RBFOX1: variants seen among roughly 807,000 people sequenced by gnomAD.
The protein encoded by RBFOX1 is RNA binding fox-1 homolog 1, also known as RNA binding protein fox-1 homolog 1.
RBFOX1 carries 8 observed loss-of-function variants against 57.7 expected under a neutral mutation model. The observed-to-expected ratio is 0.14, with a 90% CI of 0.08 to 0.25. The LOEUF is 0.25. Among genes scored for constraint, RBFOX1 ranks in the 10% least tolerant of loss-of-function variants. RBFOX1 has a pLI of 1.00. For missense variants in RBFOX1, 611 were observed against 548.5 expected (o/e 1.11, Z -1.14); for synonymous variants, 326 against 222.4 (o/e 1.47, Z -4.15).
intron 4 of RBFOX1, among the ~76,000 whole-genome samples, chr16:7,289,959 A>G (rs1380915447): frequency 1.3e-5 from 2 of 152,208 alleles, no homozygotes; most frequent in Non-Finnish European, 1.5e-5. Context: ...GGACAAGGTT[A>G]GGATAAACTC....
intron 3 of RBFOX1, among the ~76,000 whole-genome samples, chr16:6,907,976 A>G (rs1009619965): frequency 6.6e-6 from 1 of 151,590 alleles, no homozygotes; most frequent in African/African-American, 2.4e-5. Flanking sequence ...GTGAGCATGG[A>G]TGTCTCTGTG....
intron 4 of RBFOX1, among the ~76,000 whole-genome samples, chr16:7,257,798 C>T (rs1011451428): frequency 3.9e-5 from 6 of 152,200 alleles, no homozygotes; most frequent in African/African-American, 1.4e-4. Context: ...GCTGCAAGAG[C>T]TATCATCGTT....
intron 2 of RBFOX1, among the ~76,000 whole-genome samples, chr16:5,480,894 C>A (rs952876779): frequency 6.6e-6 from 1 of 152,146 alleles, no homozygotes; most frequent in African/African-American, 2.4e-5. Context: ...TTCACTGAAA[C>A]GTTATTGCCA....
chr16:5,771,694 C>G (rs796901214), intron 3 of RBFOX1, among the ~76,000 whole-genome samples: 13 of 152,302 alleles, frequency 8.5e-5, no homozygotes, highest in African/African-American at 3.1e-4. Context: ...CAGATGTAAG[C>G]TACCACACCC....
At chr16:7,263,509 T>C (rs1394078511) in intron 4 of RBFOX1, among the ~76,000 whole-genome samples, 1 of 152,158 alleles carries the variant, frequency 6.6e-6, no homozygotes, top group Non-Finnish European at 1.5e-5. Context: ...CCAGAGTACC[T>C]ACAGTATTGT....
chr16:6,677,469 A>T (rs898795345), intron 3 of RBFOX1, among the ~76,000 whole-genome samples: 2 of 152,194 alleles, frequency 1.3e-5, no homozygotes, highest in African/African-American at 4.8e-5. Context: ...ACATCAAAAG[A>T]TCCTAAAAAG....
intron 3 of RBFOX1, among the ~76,000 whole-genome samples, chr16:5,776,986 C>T (rs1479131327): frequency 6.6e-6 from 1 of 152,144 alleles, no homozygotes; most frequent in Non-Finnish European, 1.5e-5. Context: ...ATTTAAGTAG[C>T]CAAGTGCAGT....
chr16:7,167,899 G>A (rs908565453), intron 4 of RBFOX1, among the ~76,000 whole-genome samples: 1 of 152,154 alleles, frequency 6.6e-6, no homozygotes, highest in African/African-American at 2.4e-5. Flanking sequence ...TTCTAGGGAG[G>A]TGTTTAATTT....
In RBFOX1 at chr16:5,788,263, G is replaced by C. The variant is rs368762494; in HGVS notation, c.319-79040G>C. 1.7e-4 allele frequency among the ~76,000 whole-genome samples: 26 copies of C among 152,174 alleles called. No individual in the cohort carries two copies. In the East Asian group the frequency reaches 2.1e-3, roughly 12 times the overall value. On this transcript the variant is annotated intron_variant, in intron 3 of 19. Transcript: ENST00000641259. ...CAGCATATGTCACCCTTTCCATTTA[G>C]AACCTCATTTTTAAATTGTATTAAC...
chr16:7,028,601 CACACACACAAAAAAA>C (rs1344249198), intron 3 of RBFOX1, among the ~76,000 whole-genome samples: 3 of 45,002 alleles, frequency 6.7e-5, no homozygotes, highest in African/African-American at 8.7e-5. Flanking sequence ...CACACACACA[CACACACACAAAAAAA>C]AAAAAAAAAA....
chr16:6,924,253 A>T (rs1181273583), intron 3 of RBFOX1, among the ~76,000 whole-genome samples: 1 of 152,080 alleles, frequency 6.6e-6, no homozygotes, highest in African/African-American at 2.4e-5. Context: ...TTTGACTCAC[A>T]GTTCTGCTGG....
intron 4 of RBFOX1, among the ~76,000 whole-genome samples, chr16:7,324,189 T>C (rs199847013): frequency 1.3e-5 from 2 of 152,196 alleles, no homozygotes; most frequent in Non-Finnish European, 2.9e-5. Flanking sequence ...CTTCTATCCA[T>C]GCAAAGTATG....
chr16:6,981,787 G>A (rs960588845), intron 3 of RBFOX1, among the ~76,000 whole-genome samples: 2 of 152,140 alleles, frequency 1.3e-5, no homozygotes, highest in African/African-American at 4.8e-5. Context: ...GGACATGTGG[G>A]AATTGTCAGA....
chr16:6,241,475 A>C (rs951751548), intron 1 of RBFOX1, among the ~76,000 whole-genome samples: 1 of 152,154 alleles, frequency 6.6e-6, no homozygotes, highest in Non-Finnish European at 1.5e-5. Context: ...AAAAAATCAG[A>C]CATGACTGCT....
At chr16:6,379,975 G>C (rs1347306104) in intron 2 of RBFOX1, among the ~76,000 whole-genome samples, 1 of 152,198 alleles carries the variant, frequency 6.6e-6, no homozygotes. Context: ...GTTCCCAAGG[G>C]AGAGAGAGCA....
chr16:7,104,341 C>T (rs923500202), intron 4 of RBFOX1, among the ~76,000 whole-genome samples: 5 of 152,060 alleles, frequency 3.3e-5, no homozygotes, highest in African/African-American at 7.2e-5. Context: ...TAAGGGGGAC[C>T]AGTGTAGCTT....
chr16:7,251,796 G>A (rs1390912169), intron 4 of RBFOX1, among the ~76,000 whole-genome samples: 1 of 152,124 alleles, frequency 6.6e-6, no homozygotes, highest in Admixed American at 6.6e-5. Flanking sequence ...CAGTGAACCT[G>A]GGAGTGCAGA....
intron 4 of RBFOX1, among the ~76,000 whole-genome samples, chr16:7,275,033 G>C (rs933882674): frequency 6.6e-6 from 1 of 152,130 alleles, no homozygotes; most frequent in African/African-American, 2.4e-5. Flanking sequence ...ATCTGAGCAG[G>C]TGGTCGAAGG....
intron 1 of RBFOX1, among the ~76,000 whole-genome samples, chr16:6,104,740 A>T (rs1016262676): frequency 1.3e-5 from 2 of 152,224 alleles, no homozygotes; most frequent in Non-Finnish European, 2.9e-5. Flanking sequence ...ACAAAGAGAT[A>T]AAACAAAAAA....
Sources: allele counts gnomAD v4.1 joint callset (sites outside exome capture counted in the v4.1 genomes callset), GRCh38; gene constraint gnomAD v4.1.1; transcripts MANE v1.5; gene names NCBI Gene and HGNC (gene_info 2026-07-23, HGNC 2026-07-21).